The following PRIM2 variants were observed in gnomAD, a reference collection of about 807,000 sequenced individuals.
PRIM2 encodes DNA primase large subunit.
Under a neutral mutation model 67.3 loss-of-function variants are expected in PRIM2, and 39 were observed. The ratio of observed to expected loss-of-function variants is 0.58; its 90% CI spans 0.45 to 0.76. PRIM2 has a LOEUF of 0.76. PRIM2 is among the 30% of genes least tolerant of loss of function. The probability of loss-of-function intolerance (pLI) is 0.00; values close to 1 mark genes in which losing one functional copy is unlikely to be tolerated. For missense variants in PRIM2, 398 were observed against 598.7 expected, an observed-to-expected ratio of 0.66 and a Z score of 3.50; for synonymous variants, 143 against 198.7, an observed-to-expected ratio of 0.72 and a Z score of 2.36.
At chr6:57,479,039 G>A (rs1412551987) in intron 7 of PRIM2, among the ~76,000 whole-genome samples, 7 of 152,302 alleles carry the variant, frequency 4.6e-5, no homozygotes, top group Admixed American at 1.3e-4. Flanking sequence ...CCAGCTACTT[G>A]GGAGGCTGAG....
At chr6:57,241,280 G>C in the PRIM2 span, among the ~76,000 whole-genome samples, 1 of 151,562 alleles carries the variant, frequency 6.6e-6, no homozygotes, top group African/African-American at 2.4e-5. Context: ...GTGGTTGCAC[G>C]CACTTGTTGT....
intron 7 of PRIM2, among the ~76,000 whole-genome samples, chr6:57,414,585 C>G (rs1352165640): frequency 6.6e-6 from 1 of 151,918 alleles, no homozygotes; most frequent in African/African-American, 2.4e-5. Context: ...AAAATAATTC[C>G]ATATATGAAT....
the PRIM2 span, among the ~76,000 whole-genome samples, chr6:57,240,099 T>TTTTTTG: frequency 3.4e-5 from 3 of 89,028 alleles, no homozygotes; most frequent in African/African-American, 1.5e-4. Flanking sequence ...CTGTTTTTTT[T>TTTTTTG]TTTTTTTTTT....
At chr6:57,225,496 A>C in the PRIM2 span, among the ~76,000 whole-genome samples, 2 of 152,224 alleles carry the variant, frequency 1.3e-5, no homozygotes, top group Non-Finnish European at 2.9e-5. Flanking sequence ...AATTAACCTA[A>C]AAGGTTTTGA....
At chr6:57,328,365 C>T (rs1437340519) in intron 5 of PRIM2, among the ~76,000 whole-genome samples, 1 of 152,138 alleles carries the variant, frequency 6.6e-6, no homozygotes, top group Non-Finnish European at 1.5e-5. Context: ...TCTTCCTCTC[C>T]CAACCCTTGG....
chr6:57,565,474 G>A (rs1775719246), intron 10 of PRIM2, among the ~76,000 whole-genome samples: 1 of 149,610 alleles, frequency 6.7e-6, no homozygotes, highest in African/African-American at 2.5e-5. Context: ...GAGTCCAAAG[G>A]CCTGAGAACT....
intron 7 of PRIM2, among the ~76,000 whole-genome samples, chr6:57,436,779 A>G (rs1772025774): frequency 6.6e-6 from 1 of 152,198 alleles, no homozygotes; most frequent in Admixed American, 6.5e-5. Flanking sequence ...TAAATTGCAT[A>G]TGCCCCAGGA....
chr6:57,518,555 TG>T (rs1678530124), intron 8 of PRIM2, among the ~76,000 whole-genome samples: 1 of 152,122 alleles, frequency 6.6e-6, no homozygotes, highest in Admixed American at 6.6e-5. Flanking sequence ...CTTGAATGAA[TG>T]AATAAATGAA....
chr6:57,360,214 G>A (rs553927726), intron 5 of PRIM2, among the ~76,000 whole-genome samples: 1 of 152,276 alleles, frequency 6.6e-6, no homozygotes, highest in East Asian at 1.9e-4. Context: ...TGCTATGGGG[G>A]ATTTAAAAAC....
rs1293740647 is a variant in PRIM2 at position 57,559,166 on chromosome 6, G to A, written c.1020+21541G>A. Reference sequence around the variant, plus strand: ...AAAAAAAAAAGTTTTGGGCTTTGAGGTGATACAAAGATATAAGATCAGTGC... The same window carrying A: ...AAAAAAAAAAGTTTTGGGCTTTGAGATGATACAAAGATATAAGATCAGTGC... On this transcript the variant is annotated intron_variant, in intron 10 of 13. Transcript: ENST00000615550. Among the ~76,000 whole-genome samples the A allele has an allele frequency of 2.8e-3, 430 of 152,064 alleles. 2 individuals are homozygous for A. Among genetic ancestry groups the A allele is most frequent in the African/African-American group, 9.6e-3 (398 of 41,496 alleles).
chr6:57,309,212 CAT>C, the PRIM2 span, among the ~76,000 whole-genome samples: 1 of 150,764 alleles, frequency 6.6e-6, no homozygotes, highest in Non-Finnish European at 1.5e-5. Context: ...CATATGTATA[CAT>C]GTGCCATGCT....
intron 5 of PRIM2, among the ~76,000 whole-genome samples, chr6:57,355,639 A>G (rs1259009873): frequency 1.3e-5 from 2 of 151,940 alleles, no homozygotes; most frequent in African/African-American, 4.8e-5. Context: ...CAAGGCAGAA[A>G]CTGCATTACT....
At chr6:57,366,864 T>C (rs1769378942) in intron 5 of PRIM2, among the ~76,000 whole-genome samples, 1 of 152,194 alleles carries the variant, frequency 6.6e-6, no homozygotes, top group Non-Finnish European at 1.5e-5. Context: ...AAAGTTATGT[T>C]AATTTATGCT....
chr6:57,439,517 G>A (rs1468546901), intron 7 of PRIM2, among the ~76,000 whole-genome samples: 1 of 139,552 alleles, frequency 7.2e-6, no homozygotes, highest in Non-Finnish European at 1.5e-5. Context: ...CTGGGTTCTA[G>A]CAATTCTCCT....
chr6:57,279,358 C>T, the PRIM2 span, among the ~76,000 whole-genome samples: 3 of 152,142 alleles, frequency 2.0e-5, no homozygotes, highest in African/African-American at 7.2e-5. Flanking sequence ...TTTCAATTCT[C>T]ATATGGAGTA....
intron 10 of PRIM2, among the ~76,000 whole-genome samples, chr6:57,582,284 G>C (rs1486988685): frequency 2.1e-4 from 32 of 152,016 alleles, no homozygotes; most frequent in African/African-American, 6.5e-4. Context: ...ATTTCCTAAG[G>C]CTACAGATCA....
At chr6:57,285,718 C>G in the PRIM2 span, among the ~76,000 whole-genome samples, 1 of 152,184 alleles carries the variant, frequency 6.6e-6, no homozygotes, top group Non-Finnish European at 1.5e-5. Flanking sequence ...GATGCCCTCT[C>G]TCACCACTCA....
chr6:57,593,123 G>A (rs1322058840), intron 10 of PRIM2, among the ~76,000 whole-genome samples: 4,698 of 152,076 alleles, frequency 0.031, 105 homozygotes, highest in Non-Finnish European at 0.043. Context: ...TAATAGAAAT[G>A]CATATTGGTA....
At chr6:57,333,156 C>G (rs1348541599) in intron 5 of PRIM2, among the ~76,000 whole-genome samples, 1 of 152,240 alleles carries the variant, frequency 6.6e-6, no homozygotes, top group Non-Finnish European at 1.5e-5. Flanking sequence ...ATGCTCTGTT[C>G]CCTACTCCCT....
Sources: gnomAD v4.1 joint callset for allele counts (sites outside exome capture counted in the v4.1 genomes callset) on GRCh38, gnomAD v4.1.1 for gene constraint, MANE v1.5 for transcripts, NCBI Gene and HGNC (gene_info 2026-07-23, HGNC 2026-07-21) for gene names.